SLC25A15: variants seen among roughly 807,000 people sequenced by gnomAD.
SLC25A15 encodes mitochondrial ornithine transporter 1.
SLC25A15 carries 24 observed loss-of-function variants against 32.3 expected under a neutral mutation model. The observed-to-expected ratio is 0.74, with a 90% confidence interval of 0.54 to 1.04. The LOEUF is 1.04. SLC25A15 is among the 50% of genes least tolerant of loss of function. The pLI, the probability that SLC25A15 is intolerant of heterozygous loss-of-function variation, is 0.00. For missense variants in SLC25A15, 317 were observed against 374.5 expected (o/e 0.85, Z 1.27); for synonymous variants, 132 against 142.1 (o/e 0.93, Z 0.51).
Position 40,809,788 on chromosome 13 carries a change from C to A in SLC25A15, c.*121C>A. ...ATTTCTTGGGAATTTTGCTTTTTGT[C>A]TTCCCTTCTACCCTACATCTTAAAC... On this transcript the variant is annotated 3_prime_UTR_variant, in exon 7 of 7. Transcript: ENST00000338625. The A allele has an allele frequency of 1.9e-6, 2 of 1,027,388 alleles. No homozygotes were observed. The highest frequency in any genetic ancestry group is 1.3e-5 in the South Asian group (1 of 76,536). The allele number at this position is 1,027,388 out of a possible 1,614,324, so 63.6% of individuals were successfully genotyped here.
rs1882396632 is a variant in SLC25A15, at chr13:40,810,386, C to A, written c.*719C>A. 6.6e-6 allele frequency among the ~76,000 whole-genome samples: 1 copy of A among 152,124 alleles called. No individual in the cohort carries two copies. The highest frequency in any genetic ancestry group is 1.5e-5 in the Non-Finnish European group (1 of 68,036). On this transcript the variant is annotated 3_prime_UTR_variant, in exon 7 of 7. Transcript: ENST00000338625. ...CCATGTTGTCCAGGTTGGTCTCGAA[C>A]TCCTGACCTCAAGTGATCCGCCCAC...
chr13:40,796,838 G>GA (rs1488422531), intron 2 of SLC25A15, among the ~76,000 whole-genome samples: 1 of 152,144 alleles, frequency 6.6e-6, no homozygotes, highest in Non-Finnish European at 1.5e-5. Flanking sequence ...GTCAAGGACT[G>GA]AAAATCCAAA....
rs200873328 is a variant in SLC25A15, at chr13:40,807,362, C to A, written c.521C>A (p.Ser174Ter). 6.2e-7 allele frequency: 1 copy of A among 1,613,988 alleles called. No homozygotes were observed. Among genetic ancestry groups the A allele is most frequent in the African/African-American group, 1.3e-5 (1 of 74,892 alleles). The change falls in exon 5 of 7, where the codon TCA becomes TAA. Residue 174 changes from serine (S) to a stop codon, truncating the protein, a stop_gained. Transcript: ENST00000338625. LOFTEE classifies it high-confidence loss of function. ...CCCTTGGGGTTCTACCATGGACTCT[C>A]AAGCACTTTACTTCGAGAAGTACCA... is the stretch of plus-strand genomic sequence containing the variant. ...DGPLGFYHGL[S>*]STLLREVPGY...
chr13:40,809,456 T>G (rs1882351143), intron 6 of SLC25A15, 87 bp from the exon 7 acceptor site: 1 of 1,532,872 alleles, frequency 6.5e-7, no homozygotes, highest in Non-Finnish European at 9.0e-7. Context: ...TGGGTTTGCA[T>G]GTGTAAATAT....
Position 40,799,244 on chromosome 13 carries a change from C to G in SLC25A15, c.243C>G (p.Leu81=), listed in dbSNP as rs1355172390. 1 of 1,614,204 alleles carries G rather than the reference C, an allele frequency of 6.2e-7. No homozygotes were observed. The highest frequency in any genetic ancestry group is 1.7e-5 in the Admixed American group (1 of 60,026). ...CCAACATCGCTGAGAACTCAGTCCT[C>G]TTCATGTGCTACGGCTTCTGCCAGC... ...LIANIAENSV[L]FMCYGFCQQV... is the part of the protein sequence containing the mutation. The change falls in exon 3 of 7, where the codon CTC becomes CTG. Residue 81 remains leucine (L), a synonymous_variant. Coordinates refer to ENST00000338625, the MANE Select transcript of SLC25A15 (RefSeq NM_014252.4).
intron 1 of SLC25A15, among the ~76,000 whole-genome samples, chr13:40,792,498 A>G (rs1171577222): frequency 6.6e-6 from 1 of 152,248 alleles, no homozygotes; most frequent in African/African-American, 2.4e-5. Context: ...TGACAGGAAG[A>G]TGCTTGCGCA....
At chr13:40,805,038 A>G in intron 3 of SLC25A15, 80 bp from the exon 4 acceptor site, 4 of 1,575,842 alleles carry the variant, frequency 2.5e-6, no homozygotes, top group Non-Finnish European at 3.5e-6. Flanking sequence ...ACCCTGCTTT[A>G]TCACCAAAGT....
intron 3 of SLC25A15, among the ~76,000 whole-genome samples, chr13:40,801,897 T>C (rs1428880655): frequency 6.6e-6 from 1 of 152,206 alleles, no homozygotes; most frequent in Non-Finnish European, 1.5e-5. Context: ...CAGGGGCCCA[T>C]GCACCTCCTT....
chr13:40,807,175 C>A, intron 4 of SLC25A15, 119 bp from the exon 5 acceptor site: 1 of 954,188 alleles, frequency 1.0e-6, no homozygotes, highest in Non-Finnish European at 1.7e-6. Flanking sequence ...TCTTCATTTA[C>A]AAAATCAGCT....
intron 2 of SLC25A15, among the ~76,000 whole-genome samples, chr13:40,793,847 G>A (rs755967907): frequency 6.6e-6 from 1 of 152,236 alleles, no homozygotes; most frequent in Non-Finnish European, 1.5e-5. Context: ...AAGGTGCCCA[G>A]TACAGCTGGA....
At position 40,807,332 on chromosome 13, in the gene SLC25A15, A is replaced by G. The variant is rs1882229110; in HGVS notation, c.491A>G (p.Asp164Gly). The change falls in exon 5 of 7, where the codon GAT becomes GGT. Residue 164 changes from aspartate (D) to glycine (G), a missense_variant. By Grantham distance (94) the Asp-to-Gly change is moderately conservative. Coordinates refer to ENST00000338625, the MANE Select transcript of SLC25A15 (RefSeq NM_014252.4). Reference sequence around the variant, plus strand: ...GTCATCAAAAGTATTCTTAGGAAAGATGGCCCCTTGGGGTTCTACCATGGA... The same window carrying G: ...GTCATCAAAAGTATTCTTAGGAAAGGTGGCCCCTTGGGGTTCTACCATGGA... ...WSVIKSILRK[D>G]GPLGFYHGLS... 3.7e-6 allele frequency: 6 copies of G among 1,613,942 alleles called. No individual in the cohort carries two copies. The highest frequency in any genetic ancestry group is 1.3e-5 in the African/African-American group (1 of 74,892).
chr13:40,791,301 TTTTATTTATTTATTTA>T (rs58686711), intron 1 of SLC25A15, among the ~76,000 whole-genome samples: 2 of 140,650 alleles, frequency 1.4e-5, no homozygotes, highest in South Asian at 2.3e-4. Flanking sequence ...CTGATAAACT[TTTTATTTATTTATTTA>T]TTTATTTATT....
At chr13:40,806,584 C>T (rs1224647507) in intron 4 of SLC25A15, among the ~76,000 whole-genome samples, 1 of 152,218 alleles carries the variant, frequency 6.6e-6, no homozygotes, top group Admixed American at 6.5e-5. Context: ...TCTTCTGAAG[C>T]TCTCAGAAGG....
At position 40,811,488 on chromosome 13, in the gene SLC25A15, CAAA is replaced by C; in HGVS notation, c.*1830_*1832del. On this transcript the variant is annotated 3_prime_UTR_variant, in exon 7 of 7. Coordinates refer to ENST00000338625, the MANE Select transcript of SLC25A15 (RefSeq NM_014252.4). ...TGGGTGACACAGCGAGACTTCATCT[CAAA>C]AAAAAAAAGAAAAGAAAAGCAATTG... 1.4e-5 allele frequency among the ~76,000 whole-genome samples: 2 copies of C among 141,890 alleles called. No individual in the cohort carries two copies. The highest frequency in any genetic ancestry group is 5.2e-5 in the African/African-American group (2 of 38,718). The allele number at this position is 141,890 out of a possible 152,430, so 93.1% of individuals were successfully genotyped here.
intron 3 of SLC25A15, 49 bp downstream of exon 3, chr13:40,799,364 A>G (rs375274812): frequency 6.2e-7 from 1 of 1,612,622 alleles, no homozygotes; most frequent in South Asian, 1.1e-5. Context: ...AAACCCCACA[A>G]AACTGGCAAG....
At position 40,803,136 on chromosome 13, in the gene SLC25A15, G is replaced by A. The variant is rs1881964858; in HGVS notation, c.315-1982G>A. 2.0e-5 allele frequency among the ~76,000 whole-genome samples: 3 copies of A among 152,016 alleles called. No homozygotes were observed. The South Asian group carries it at 6.2e-4, about 32-fold the overall frequency. On this transcript the variant is annotated intron_variant, in intron 3 of 6. Transcript: ENST00000338625. ...CACAACACTCTTCTAGGGCTGGAAG[G>A]GATCTTCTATCCCAACTCCCATGAA...
intron 3 of SLC25A15, 117 bp from the exon 4 acceptor site, chr13:40,805,001 G>A: frequency 8.2e-7 from 1 of 1,216,174 alleles, no homozygotes; most frequent in South Asian, 1.2e-5. Flanking sequence ...TGTAATCACA[G>A]GTTCATGCCC....
intron 3 of SLC25A15, among the ~76,000 whole-genome samples, chr13:40,803,104 C>A (rs1881963612): frequency 6.6e-6 from 1 of 152,172 alleles, no homozygotes; most frequent in African/African-American, 2.4e-5. Flanking sequence ...CAGTCATGAT[C>A]CCATGACACA....
intron 3 of SLC25A15, among the ~76,000 whole-genome samples, 186 bp from the exon 4 acceptor site, chr13:40,804,932 C>T (rs74413744): frequency 6.6e-6 from 1 of 152,084 alleles, no homozygotes; most frequent in Non-Finnish European, 1.5e-5. Context: ...GCAGTCATAG[C>T]ACTGTAGCCT....
Sources: allele counts gnomAD v4.1 joint callset (sites outside exome capture counted in the v4.1 genomes callset), GRCh38; gene constraint gnomAD v4.1.1; transcripts MANE v1.5; gene names NCBI Gene and HGNC (gene_info 2026-07-23, HGNC 2026-07-21).